Variants in HFM1 observed in about 807,000 individuals in gnomAD.
The protein encoded by HFM1 is probable ATP-dependent DNA helicase HFM1.
Under a neutral mutation model 192.1 loss-of-function variants are expected in HFM1, and 169 were observed. The observed-to-expected ratio is 0.88, with a 90% CI of 0.78 to 1.00. The LOEUF (loss-of-function observed/expected upper bound fraction) is 1.00, where lower values mean the gene tolerates loss of function less well. HFM1 is among the 50% of genes least tolerant of loss of function. HFM1 has a pLI of 0.00. For synonymous variants in HFM1, 525 were observed against 537.8 expected, an observed-to-expected ratio of 0.98 and a Z score of 0.33; for missense variants, 1,661 against 1,668.0, an observed-to-expected ratio of 1.00 and a Z score of 0.07.
In HFM1 at chr1:91,380,201, A is replaced by T. The variant is rs780010754; in HGVS notation, c.909T>A (p.Ala303=). The stretch of plus-strand genomic sequence containing the variant: ...CTACAGTTTTTCCAGAACCAGTTGG[A>T]GCACAAATCACAAAATTCCTATCTG... ...LYTDRNFVIC[A]PTGSGKTVVF... The change falls in exon 8 of 39, where the codon GCT becomes GCA. Residue 303 remains alanine (A), a synonymous_variant. Coordinates refer to ENST00000370425, the MANE Select transcript of HFM1 (RefSeq NM_001017975.6). 1 of 1,580,944 alleles carries T rather than the reference A, an allele frequency of 6.3e-7. No individual in the cohort carries two copies. Among genetic ancestry groups the T allele is most frequent in the Non-Finnish European group, 8.6e-7 (1 of 1,159,080 alleles).
chr1:91,353,963 C>T (rs1160828282), intron 13 of HFM1, among the ~76,000 whole-genome samples: 1 of 146,048 alleles, frequency 6.8e-6, no homozygotes, highest in Admixed American at 6.8e-5. Flanking sequence ...GGAAATACAC[C>T]ACCAACAAAG....
At chr1:91,387,321 C>T (rs1369730834) in intron 4 of HFM1, among the ~76,000 whole-genome samples, 6 of 152,110 alleles carry the variant, frequency 3.9e-5, no homozygotes, top group African/African-American at 1.4e-4. Flanking sequence ...GATCAAAAAG[C>T]GACGTCGCTA....
chr1:91,294,054 T>TG (rs1376987650), intron 30 of HFM1, among the ~76,000 whole-genome samples: 1 of 65,674 alleles, frequency 1.5e-5, no homozygotes, highest in East Asian at 5.4e-4. Context: ...TGTGGTGGGG[T>TG]GGGGGGAGGG....
intron 30 of HFM1, among the ~76,000 whole-genome samples, chr1:91,282,937 C>A (rs1291404342): frequency 6.6e-6 from 1 of 152,162 alleles, no homozygotes; most frequent in African/African-American, 2.4e-5. Flanking sequence ...CAACTAGGAT[C>A]TGGGACTCTA....
At chr1:91,342,247 T>TGA (rs1014885505) in intron 20 of HFM1, among the ~76,000 whole-genome samples, 17 of 149,564 alleles carry the variant, frequency 1.1e-4, no homozygotes, top group Non-Finnish European at 2.4e-4. Flanking sequence ...TAATCCACCG[T>TGA]GAGAGAGAGA....
chr1:91,301,328 G>A (rs1255450050), intron 30 of HFM1, among the ~76,000 whole-genome samples: 2 of 144,666 alleles, frequency 1.4e-5, no homozygotes, highest in Non-Finnish European at 3.0e-5. Flanking sequence ...TGGGTAGGAA[G>A]AATCAATATC....
chr1:91,306,484 A>G (rs1649629664), intron 30 of HFM1, among the ~76,000 whole-genome samples: 1 of 152,206 alleles, frequency 6.6e-6, no homozygotes. Flanking sequence ...CTCTGTTAAC[A>G]TAGTGAATTA....
rs755908025 is a variant in HFM1, at chr1:91,394,077, T to TAATTATAATAATTACCTTTTCCGG, written c.486_494+15dup. On this transcript the variant is annotated intron_variant, in intron 4 of 38. Coordinates refer to ENST00000370425, the MANE Select transcript of HFM1 (RefSeq NM_001017975.6). ...TTTATTCACAGAATATTATTTAGTT[T>TAATTATAATAATTACCTTTTCCGG]AATTATAATAATTACCTTTTCCGGA... 579 of 1,319,506 alleles carry TAATTATAATAATTACCTTTTCCGG rather than the reference T, an allele frequency of 4.4e-4. No individual in the cohort carries two copies. The highest frequency in any genetic ancestry group is 5.4e-4 in the Non-Finnish European group (517 of 952,258). The allele number at this position is 1,319,506 out of a possible 1,614,324, so 81.7% of individuals were successfully genotyped here.
intron 20 of HFM1, among the ~76,000 whole-genome samples, chr1:91,342,642 T>A (rs1392489923): frequency 6.6e-6 from 1 of 152,194 alleles, no homozygotes; most frequent in East Asian, 1.9e-4. Flanking sequence ...GGCCCCCATG[T>A]CACATAAAAC....
chr1:91,340,032 G>A (rs188154427), intron 20 of HFM1, among the ~76,000 whole-genome samples: 1 of 152,004 alleles, frequency 6.6e-6, no homozygotes, highest in African/African-American at 2.4e-5. Context: ...TTTTGACAGG[G>A]TCTTACTCTG....
chr1:91,339,691 G>C (rs1236163844), intron 20 of HFM1, among the ~76,000 whole-genome samples: 1 of 152,084 alleles, frequency 6.6e-6, no homozygotes, highest in Non-Finnish European at 1.5e-5. Context: ...CTGAAAGAGA[G>C]GGAGAGAGAG....
rs781314917 is a variant in HFM1 at position 91,352,610 on chromosome 1, G to T, written c.1873C>A (p.His625Asn). ...ATTGTAGATTTTATAACTACTAGGT[G>T]AGCAGGCAAATTTACTCCCATAGCT... The part of the protein sequence containing the change: ...TLAMGVNLPA[H>N]LVVIKSTMHY... Residue 625 changes from histidine (H) to asparagine (N), a missense_variant, in exon 16 of 39, where the codon CAC (histidine) becomes AAC (asparagine). His to Asn is a moderately conservative substitution (Grantham distance 68). Transcript: ENST00000370425. The T allele has an allele frequency of 1.1e-5, 18 of 1,608,534 alleles. No individual in the cohort carries two copies. The highest frequency in any genetic ancestry group is 1.5e-5 in the Non-Finnish European group (18 of 1,176,796).
At chr1:91,372,467 C>T (rs889621827) in intron 13 of HFM1, among the ~76,000 whole-genome samples, 9 of 152,210 alleles carry the variant, frequency 5.9e-5, no homozygotes, top group African/African-American at 9.6e-5. Flanking sequence ...AACTATCATT[C>T]GCAGCAAACT....
chr1:91,392,999 A>G (rs1360224278), intron 4 of HFM1, among the ~76,000 whole-genome samples: 1 of 152,226 alleles, frequency 6.6e-6, no homozygotes, highest in Non-Finnish European at 1.5e-5. Flanking sequence ...ATTAGTTAAT[A>G]ATGATGGTTG....
intron 30 of HFM1, among the ~76,000 whole-genome samples, chr1:91,280,973 C>A (rs1667409380): frequency 6.6e-6 from 1 of 152,180 alleles, no homozygotes; most frequent in Non-Finnish European, 1.5e-5. Flanking sequence ...CCATATAGAA[C>A]CTTCTAGGGG....
At chr1:91,379,312 T>G in intron 8 of HFM1, 98 bp from the exon 9 acceptor site, 1 of 826,584 alleles carries the variant, frequency 1.2e-6, no homozygotes, top group East Asian at 2.6e-5. Context: ...AATACACATC[T>G]ACATACTCCT....
Position 91,385,147 on chromosome 1 carries a change from A to T in HFM1, c.802+40T>A, listed in dbSNP as rs769004672. The T allele has an allele frequency of 3.5e-6, 4 of 1,142,206 alleles. 1 individual carries two copies. The South Asian group carries it at 4.2e-5, about 12-fold the overall frequency. The allele number at this position is 1,142,206 out of a possible 1,614,324, so 70.8% of individuals were successfully genotyped here. On this transcript the variant is annotated intron_variant, in intron 6 of 38. Transcript: ENST00000370425. ...ACAAATGTTTTAAAATTATGATTTA[A>T]TAAATACAAAGCAGCTATTGTAAAT...
At chr1:91,402,678 C>T (rs1016794145) in intron 1 of HFM1, among the ~76,000 whole-genome samples, 10 of 151,930 alleles carry the variant, frequency 6.6e-5, no homozygotes, top group African/African-American at 2.4e-4. Flanking sequence ...TTATATTGCC[C>T]AAAAAGTAAC....
chr1:91,364,594 A>G (rs1658981636), intron 13 of HFM1, among the ~76,000 whole-genome samples: 1 of 128,438 alleles, frequency 7.8e-6, no homozygotes, highest in Non-Finnish European at 1.6e-5. Context: ...GTGTATATAT[A>G]CATATACATA....
Sources: allele counts gnomAD v4.1 joint callset (sites outside exome capture counted in the v4.1 genomes callset), GRCh38; gene constraint gnomAD v4.1.1; transcripts MANE v1.5; gene names NCBI Gene and HGNC (gene_info 2026-07-23, HGNC 2026-07-21).